Variants in ST7 observed in about 807,000 individuals in gnomAD.
ST7 encodes the protein suppressor of tumorigenicity 7 protein.
ST7 carries 28 observed loss-of-function variants against 78.7 expected under a neutral mutation model. The observed-to-expected ratio is 0.36, with a 90% CI of 0.26 to 0.49. ST7 has a LOEUF of 0.49. Among genes scored for constraint, ST7 ranks in the 20% least tolerant of loss-of-function variants. The pLI is 0.99. For missense variants in ST7, 418 were observed against 696.0 expected (o/e 0.60, Z 4.49); for synonymous variants, 247 against 249.6 (o/e 0.99, Z 0.10).
At chr7:117,070,702 T>C (rs2429040) in intron 1 of ST7, among the ~76,000 whole-genome samples, 13 of 151,520 alleles carry the variant, frequency 8.6e-5, no homozygotes, top group Non-Finnish European at 1.9e-4. Flanking sequence ...CACCATGCCC[T>C]GCTAATTTCT....
At chr7:117,014,764 G>A (rs1795529686) in intron 1 of ST7, 1 of 342,854 alleles carries the variant, frequency 2.9e-6, no homozygotes, top group South Asian at 1.5e-4. Flanking sequence ...AGGGAAATGG[G>A]AGTAAATAAC....
rs189826549 is a variant in ST7 at position 117,034,821 on chromosome 7, C to G, written c.152-64941C>G. Among the ~76,000 whole-genome samples, 38 of 152,080 alleles carry G rather than the reference C, an allele frequency of 2.5e-4. No homozygotes were observed. In the East Asian group the frequency reaches 5.2e-3, roughly 21 times the overall value. Reference sequence around the variant, plus strand: ...TTCTTCGCTGAGGAATTTCATAAACCCTTTTTGACTTTTAATTGGGATGGA... The same window carrying G: ...TTCTTCGCTGAGGAATTTCATAAACGCTTTTTGACTTTTAATTGGGATGGA... On this transcript the variant is annotated intron_variant, in intron 1 of 15. Coordinates refer to ENST00000323984, the MANE Select transcript of ST7 (RefSeq NM_001369598.1).
intron 1 of ST7, among the ~76,000 whole-genome samples, chr7:116,985,515 C>A (rs1368563473): frequency 2.0e-5 from 3 of 151,386 alleles, no homozygotes; most frequent in Non-Finnish European, 4.4e-5. Flanking sequence ...ATGGTGACAT[C>A]AAAAAATATA....
chr7:117,103,025 A>G (rs1461886932), intron 2 of ST7, among the ~76,000 whole-genome samples: 1 of 152,212 alleles, frequency 6.6e-6, no homozygotes, highest in Non-Finnish European at 1.5e-5. Flanking sequence ...TAATAAAAAA[A>G]GTGAAAGATG....
intron 1 of ST7, among the ~76,000 whole-genome samples, chr7:116,991,667 C>T (rs1319066747): frequency 6.6e-6 from 1 of 152,114 alleles, no homozygotes; most frequent in African/African-American, 2.4e-5. Context: ...ATCATTTCAC[C>T]TCTGGCCTCT....
At chr7:117,052,795 G>C (rs1192933442) in intron 1 of ST7, among the ~76,000 whole-genome samples, 1 of 152,252 alleles carries the variant, frequency 6.6e-6, no homozygotes, top group Non-Finnish European at 1.5e-5. Flanking sequence ...TCAGGAGGCT[G>C]GGGCAGGAGA....
At chr7:117,106,828 G>A (rs1452793181) in intron 2 of ST7, among the ~76,000 whole-genome samples, 3 of 151,872 alleles carry the variant, frequency 2.0e-5, no homozygotes, top group Non-Finnish European at 4.4e-5. Flanking sequence ...CACCGTGTTA[G>A]CCAGGATGGT....
At position 117,136,168 on chromosome 7, in the gene ST7, T is replaced by C. The variant is rs1804773613; in HGVS notation, c.798T>C (p.Ala266=). The part of the protein sequence containing the change: ...AEKLFKQALK[A]GDGCYRRSQQ... ...AATTATTTAAGCAGGCCCTGAAGGCTGGAGATGGCTGTTACCGACGCTCTC... is the reference window on the plus strand; with the variant it reads ...AATTATTTAAGCAGGCCCTGAAGGCCGGAGATGGCTGTTACCGACGCTCTC... The change falls in exon 8 of 16, where the codon GCT becomes GCC. Residue 266 remains alanine (A), a synonymous_variant. Coordinates refer to ENST00000323984, the MANE Select transcript of ST7 (RefSeq NM_001369598.1). 12 of 1,613,644 alleles carry C rather than the reference T, an allele frequency of 7.4e-6. No homozygotes were observed. The highest frequency in any genetic ancestry group is 1.0e-5 in the Non-Finnish European group (12 of 1,179,700).
rs763238347 is a variant in ST7 at position 117,134,166 on chromosome 7, C to T, written c.684C>T (p.Thr228=). 3.1e-6 allele frequency: 5 copies of T among 1,611,918 alleles called. No individual in the cohort carries two copies. The highest frequency in any genetic ancestry group is 4.2e-6 in the Non-Finnish European group (5 of 1,178,786). ...AAGTTCCCCTAATTGCTTCCTCTAC[C>T]ATCTGGGAGATAAAATTGTTACCAA... The part of the protein sequence containing the change: ...RVEVPLIASS[T]IWEIKLLPKC... Residue 228 remains threonine (T), a synonymous_variant, in exon 7 of 16, where the codon ACC becomes ACT. Coordinates refer to ENST00000323984, the MANE Select transcript of ST7 (RefSeq NM_001369598.1).
intron 9 of ST7, among the ~76,000 whole-genome samples, chr7:117,161,591 CT>C (rs60505994): frequency 0.041 from 4,693 of 113,498 alleles, 191 homozygotes; most frequent in African/African-American, 0.15. Context: ...TTCTTTCTTT[CT>C]TTTTTTTTTT....
At chr7:117,211,836 G>A (rs745962291) in intron 13 of ST7, among the ~76,000 whole-genome samples, 1 of 152,120 alleles carries the variant, frequency 6.6e-6, no homozygotes, top group African/African-American at 2.4e-5. Flanking sequence ...GAAACAGGGA[G>A]CTACAAAGTC....
At chr7:116,969,227 T>C (rs1007513302) in intron 1 of ST7, among the ~76,000 whole-genome samples, 5 of 152,250 alleles carry the variant, frequency 3.3e-5, no homozygotes, top group African/African-American at 9.6e-5. Context: ...TTTCAGACTT[T>C]CCTTGTTTTT....
chr7:117,194,820 A>G (rs1420469729), intron 12 of ST7, among the ~76,000 whole-genome samples: 2 of 152,142 alleles, frequency 1.3e-5, no homozygotes, highest in Non-Finnish European at 2.9e-5. Context: ...TGGGGTGGGC[A>G]TGGGGGAGAC....
At position 117,081,417 on chromosome 7, in the gene ST7, C is replaced by A. The variant is rs541348688; in HGVS notation, c.152-18345C>A. ...AGATCCAGGAAACCTTTGGATGCCT[C>A]CCCACAATTTATTAAATTTTTTCAA... On this transcript the variant is annotated intron_variant, in intron 1 of 15. Transcript: ENST00000323984. Among the ~76,000 whole-genome samples the A allele has an allele frequency of 2.6e-5, 4 of 152,132 alleles. No individual in the cohort carries two copies. The South Asian group carries it at 8.3e-4, about 32-fold the overall frequency.
At chr7:117,092,579 GAAGA>G (rs1307981340) in intron 1 of ST7, among the ~76,000 whole-genome samples, 2 of 152,280 alleles carry the variant, frequency 1.3e-5, no homozygotes, top group Admixed American at 6.5e-5. Flanking sequence ...TGACAGGAAG[GAAGA>G]GAGAAGTTAG....
chr7:117,147,312 A>G (rs924068929), intron 9 of ST7, among the ~76,000 whole-genome samples: 1 of 152,158 alleles, frequency 6.6e-6, no homozygotes, highest in Non-Finnish European at 1.5e-5. Context: ...TGTGAGAAAC[A>G]TTCATTAGGC....
intron 2 of ST7, among the ~76,000 whole-genome samples, chr7:117,119,167 T>G (rs1443865651): frequency 6.6e-6 from 1 of 152,166 alleles, no homozygotes; most frequent in East Asian, 1.9e-4. Flanking sequence ...TATCAGAATA[T>G]AAAGTGCAAA....
intron 1 of ST7, among the ~76,000 whole-genome samples, chr7:117,075,427 G>T (rs1338977595): frequency 6.6e-6 from 1 of 152,164 alleles, no homozygotes; most frequent in Non-Finnish European, 1.5e-5. Flanking sequence ...TAATGTAGTG[G>T]CTACACGTTT....
chr7:117,168,523 A>C (rs1237440164), intron 9 of ST7, among the ~76,000 whole-genome samples: 1 of 152,042 alleles, frequency 6.6e-6, no homozygotes, highest in East Asian at 1.9e-4. Flanking sequence ...AAAAAATCAA[A>C]GGGTAATCTC....
Sources: allele counts gnomAD v4.1 joint callset (sites outside exome capture counted in the v4.1 genomes callset), GRCh38; gene constraint gnomAD v4.1.1; transcripts MANE v1.5; gene names NCBI Gene and HGNC (gene_info 2026-07-23, HGNC 2026-07-21).